The following ABCA3 variants were observed in gnomAD, a reference collection of about 807,000 sequenced individuals.
The protein encoded by ABCA3 is ATP binding cassette subfamily A member 3.
In ABCA3, 88 loss-of-function variants were observed where a neutral mutation model predicts 172.8. That is an observed-to-expected ratio of 0.51 (90% CI 0.43 to 0.61). The LOEUF (loss-of-function observed/expected upper bound fraction) is 0.61. Among genes scored for constraint, ABCA3 ranks in the 20% least tolerant of loss-of-function variants. ABCA3 has a pLI of 0.00. For missense variants in ABCA3, 2,164 were observed against 2,301.0 expected, an observed-to-expected ratio of 0.94 and a Z score of 1.22; for synonymous variants, 1,066 against 983.8, an observed-to-expected ratio of 1.08 and a Z score of -1.56.
At chr16:2,292,294 G>A in intron 18 of ABCA3, 56 bp from the exon 19 acceptor site, 1 of 1,493,702 alleles carries the variant, frequency 6.7e-7, no homozygotes, top group Non-Finnish European at 9.3e-7. Flanking sequence ...TAGATAATTT[G>A]TTCCTAAAGC....
intron 10 of ABCA3, among the ~76,000 whole-genome samples, chr16:2,309,009 G>C (rs1158900802): frequency 2.0e-5 from 3 of 151,624 alleles, no homozygotes; most frequent in South Asian, 2.1e-4. Context: ...GCAGTGGCAC[G>C]ATCTCGGCTC....
At chr16:2,292,552 T>C (rs1360577832) in intron 18 of ABCA3, among the ~76,000 whole-genome samples, 3 of 151,702 alleles carry the variant, frequency 2.0e-5, no homozygotes, top group South Asian at 2.1e-4. Flanking sequence ...TGAACCGAGA[T>C]TGCGCTACTG....
At chr16:2,319,208 G>A (rs954136809) in intron 8 of ABCA3, among the ~76,000 whole-genome samples, 4 of 152,022 alleles carry the variant, frequency 2.6e-5, no homozygotes, top group African/African-American at 4.8e-5. Flanking sequence ...ACCTCCGGCC[G>A]GGCACGGTGG....
intron 7 of ABCA3, chr16:2,323,257 G>A (rs1344473316): frequency 3.7e-6 from 2 of 547,196 alleles, no homozygotes; most frequent in African/African-American, 3.8e-5. Flanking sequence ...CGATTCCTCA[G>A]GGATCTAGAA....
In ABCA3 at chr16:2,324,332, A is replaced by C. The variant is rs1596865192; in HGVS notation, c.447+72T>G. 5 of 1,530,968 alleles carry C rather than the reference A, an allele frequency of 3.3e-6. No homozygotes were observed. The African/African-American group carries it at 6.8e-5, about 21-fold the overall frequency. 94.8% of individuals were successfully genotyped at this position (1,530,968 alleles called of 1,614,324 possible). On this transcript the variant is annotated intron_variant, in intron 6 of 32. Transcript: ENST00000301732. ...GGAAAGCAGTGCCTTTTACAGGTTG[A>C]ACTAGTGACGCGGGAGGAAGCGGAG...
In ABCA3 at chr16:2,286,713, C is replaced by T; in HGVS notation, c.3259G>A (p.Ala1087Thr). The T allele has an allele frequency of 6.2e-7, 1 of 1,613,522 alleles. No homozygotes were observed. The highest frequency in any genetic ancestry group is 8.5e-7 in the Non-Finnish European group (1 of 1,179,868). ...FPQPRSALQA[A>T]KDQFNEGRKG... Reference sequence around the variant, plus strand: ...ACATACTCGTTAAACTGGTCCTTGGCAGCCTGCAGGGCGCTCCGGGGCTGG... The same window carrying T: ...ACATACTCGTTAAACTGGTCCTTGGTAGCCTGCAGGGCGCTCCGGGGCTGG... The change falls in exon 22 of 33, where the codon GCC (alanine) becomes ACC (threonine). Residue 1087 changes from alanine (A) to threonine (T), a missense_variant. Around this residue, in one of 3 missense-constraint regions of ABCA3, gnomAD observed 795 missense variants for 881.9 expected, o/e 0.90. Coordinates refer to ENST00000301732, the MANE Select transcript of ABCA3 (RefSeq NM_001089.3). This position sits in a 1 kb window ranked among gnomAD's most constrained non-coding sequence, Gnocchi z 5.2.
Position 2,277,765 on chromosome 16 carries a change from T to C in ABCA3, c.4910-95A>G, listed in dbSNP as rs1317569923. 5.3e-5 allele frequency: 84 copies of C among 1,587,986 alleles called. No homozygotes were observed. Among genetic ancestry groups the C allele is most frequent in the Non-Finnish European group, 6.6e-5 (77 of 1,162,838 alleles). The stretch of plus-strand genomic sequence containing the variant: ...AGCACTGGAGTCCTCGTCCCAGGGA[T>C]TGGGGAGATGGGACTTGGCGGGGCG... On this transcript the variant is annotated intron_variant, in intron 31 of 32. Coordinates refer to ENST00000301732, the MANE Select transcript of ABCA3 (RefSeq NM_001089.3). The surrounding 1 kb of genome is among the most constrained non-coding windows in gnomAD (Gnocchi z 5.3).
At chr16:2,314,221 G>T (rs562031735) in intron 10 of ABCA3, among the ~76,000 whole-genome samples, 3 of 152,076 alleles carry the variant, frequency 2.0e-5, no homozygotes, top group East Asian at 3.9e-4. Flanking sequence ...GGGCATCCAA[G>T]AGTCTGTCAA....
intron 1 of ABCA3, among the ~76,000 whole-genome samples, chr16:2,337,818 C>T (rs1179374662): frequency 2.0e-5 from 3 of 152,196 alleles, no homozygotes; most frequent in Non-Finnish European, 4.4e-5. Context: ...CTGATGGAGC[C>T]CTAGCTTGCT....
Position 2,286,939 on chromosome 16 carries a change from C to T in ABCA3, c.3033G>A (p.Arg1011=). 6.2e-7 allele frequency: 1 copy of T among 1,613,762 alleles called. No individual in the cohort carries two copies. The highest frequency in any genetic ancestry group is 1.6e-4 in the Middle Eastern group (1 of 6,062). Residue 1011 remains arginine, a synonymous_variant, in exon 22 of 33, where the codon AGG becomes AGA. Transcript: ENST00000301732. This position sits in a 1 kb window ranked among gnomAD's most constrained non-coding sequence, Gnocchi z 5.2. ...LGDLEEFLIF[R]ASVEGGGFNE... is the part of the protein sequence containing the mutation. ...TAAAGCCGCCCCCCTCCACAGAAGC[C>T]CTGAAGATCAAGAACTCCTCCAGGT...
intron 10 of ABCA3, among the ~76,000 whole-genome samples, chr16:2,313,891 CAAA>C (rs34599387): frequency 1.6e-5 from 2 of 126,868 alleles, no homozygotes; most frequent in Non-Finnish European, 1.7e-5. Flanking sequence ...GATTCCATCT[CAAA>C]AAAAAAAAAA....
At position 2,276,474 on chromosome 16, in the gene ABCA3, T is replaced by G; in HGVS notation, c.*200A>C. ...AAGTGAACTCCAGAGTATGCAGACA[T>G]GGAGATGCGCATGCTGATCCTGGGC... On this transcript the variant is annotated 3_prime_UTR_variant, in exon 33 of 33. Coordinates refer to ENST00000301732, the MANE Select transcript of ABCA3 (RefSeq NM_001089.3). The G allele has an allele frequency of 4.3e-6, 4 of 919,722 alleles. No individual in the cohort carries two copies. Among genetic ancestry groups the G allele is most frequent in the South Asian group, 1.5e-5 (1 of 66,652 alleles). 57.0% of individuals were successfully genotyped at this position (919,722 alleles called of 1,614,324 possible).
rs201700257 is a variant in ABCA3, at chr16:2,286,920, C to G, written c.3052G>C (p.Gly1018Arg). ...GCCACAAGGCACCGCTCATTAAAGC[C>G]GCCCCCCTCCACAGAAGCCCTGAAG... ...LIFRASVEGGGFNERCLVAAS... is the reference protein window; with the variant it reads ...LIFRASVEGGRFNERCLVAAS... Residue 1018 changes from glycine (G) to arginine (R), a missense_variant, in exon 22 of 33, where the codon GGC becomes CGC. Around this residue, in one of 3 missense-constraint regions of ABCA3, gnomAD observed 1,343 missense variants for 1,369.6 expected, o/e 0.98. Transcript: ENST00000301732. This position sits in a 1 kb window ranked among gnomAD's most constrained non-coding sequence, Gnocchi z 5.2. 16 of 1,613,960 alleles carry G rather than the reference C, an allele frequency of 9.9e-6. No homozygotes were observed. In the East Asian group the frequency reaches 3.6e-4, roughly 36 times the overall value.
Position 2,283,592 on chromosome 16 carries a change from G to A in ABCA3, c.3863-234C>T, listed in dbSNP as rs1217007478. On this transcript the variant is annotated intron_variant, in intron 25 of 32. Coordinates refer to ENST00000301732, the MANE Select transcript of ABCA3 (RefSeq NM_001089.3). This position sits in a 1 kb window ranked among gnomAD's most constrained non-coding sequence, Gnocchi z 5.4. ...CCCATGAGCGACATGGCAGACCCAGGGCAGCAACAGCCCGCCTGAGAGGCA... is the reference window on the plus strand; with the variant it reads ...CCCATGAGCGACATGGCAGACCCAGAGCAGCAACAGCCCGCCTGAGAGGCA... 5 of 533,716 alleles carry A rather than the reference G, an allele frequency of 9.4e-6. No homozygotes were observed. Among genetic ancestry groups the A allele is most frequent in the Admixed American group, 3.2e-5 (1 of 31,378 alleles). 33.1% of individuals were successfully genotyped at this position (533,716 alleles called of 1,614,324 possible). A position where few individuals can be genotyped will look rare whatever the true frequency, so the allele number is the denominator to read the frequency against.
At chr16:2,332,612 G>C in intron 1 of ABCA3, 1 of 1,578,624 alleles carries the variant, frequency 6.3e-7, no homozygotes, top group Non-Finnish European at 8.7e-7. Flanking sequence ...AGCTTGTACT[G>C]TAGCGTGGGC....
rs1466853207 is a variant in ABCA3, at chr16:2,281,053, G to A, written c.4333C>T (p.His1445Tyr). Reference protein sequence around the residue: ...LTSGDAFVGGHRISSDVGKVR... With the variant: ...LTSGDAFVGGYRISSDVGKVR... The stretch of plus-strand genomic sequence containing the variant: ...TTTCCGACATCAGAGCTGATTCTGT[G>A]ACCCCCGACAAAGGCATCCCCAGAA... The change falls in exon 28 of 33, where the codon CAC (histidine) becomes TAC (tyrosine). Residue 1445 changes from histidine to tyrosine, a missense_variant. Physicochemically the swap from His to Tyr is moderately conservative, Grantham distance 83. This residue lies in a region of ABCA3 where 795 missense variants were observed against 881.9 expected (regional missense o/e 0.90). Transcript: ENST00000301732. The surrounding 1 kb of genome is among the most constrained non-coding windows in gnomAD (Gnocchi z 4.7). 6.2e-7 allele frequency: 1 copy of A among 1,613,868 alleles called. No individual in the cohort carries two copies. The highest frequency in any genetic ancestry group is 1.7e-5 in the Admixed American group (1 of 60,002).
intron 10 of ABCA3, among the ~76,000 whole-genome samples, chr16:2,311,941 G>C (rs2141723299): frequency 6.6e-6 from 1 of 152,306 alleles, no homozygotes; most frequent in Middle Eastern, 3.4e-3. Context: ...ACAGGCATGA[G>C]CCACTGCGCC....
chr16:2,299,958 A>G (rs544459793), intron 13 of ABCA3, 47 bp downstream of exon 13: 12 of 1,608,308 alleles, frequency 7.5e-6, no homozygotes, highest in African/African-American at 4.0e-5. Context: ...AAGTCTTCCC[A>G]TGGTCCTGGC....
intron 10 of ABCA3, among the ~76,000 whole-genome samples, chr16:2,312,531 CT>C (rs201356602): frequency 0.29 from 40,126 of 139,400 alleles, 5,165 homozygotes; most frequent in East Asian, 0.4. Context: ...TGGCATTTTT[CT>C]TTTTTTTTTT....
Sources: gnomAD v4.1 joint callset for allele counts (sites outside exome capture counted in the v4.1 genomes callset) on GRCh38, gnomAD v4.1.1 for gene constraint, gnomAD v4.1.1 regional missense constraint, Gnocchi (gnomAD v3.1) non-coding constraint, MANE v1.5 for transcripts, NCBI Gene and HGNC (gene_info 2026-07-23, HGNC 2026-07-21) for gene names.